The following GRM7 variants were observed in gnomAD, a reference collection of about 807,000 sequenced individuals.
GRM7 encodes the protein glutamate metabotropic receptor 7, also known as metabotropic glutamate receptor 7.
GRM7 carries 35 observed loss-of-function variants against 84.5 expected under a neutral mutation model. The ratio of observed to expected loss-of-function variants is 0.41; its 90% confidence interval spans 0.32 to 0.55. GRM7 has a LOEUF of 0.55. Among genes scored for constraint, GRM7 ranks in the 20% least tolerant of loss-of-function variants. GRM7 has a pLI of 0.19. For synonymous variants in GRM7, 487 were observed against 455.1 expected (o/e 1.07, Z -0.89); for missense variants, 1,003 against 1,194.6 (o/e 0.84, Z 2.36).
chr3:7,227,991 C>G (rs1207543328), intron 2 of GRM7, among the ~76,000 whole-genome samples: 8 of 152,152 alleles, frequency 5.3e-5, no homozygotes, highest in Non-Finnish European at 8.8e-5. Context: ...AGGTACTCTT[C>G]TCTCAGAATA....
At chr3:7,429,095 C>T (rs138343275) in intron 5 of GRM7, among the ~76,000 whole-genome samples, 1 of 152,256 alleles carries the variant, frequency 6.6e-6, no homozygotes, top group Non-Finnish European at 1.5e-5. Flanking sequence ...TCAATTCCTG[C>T]CTCATTAGCT....
intron 4 of GRM7, among the ~76,000 whole-genome samples, chr3:7,321,787 G>A (rs1183849961): frequency 6.6e-6 from 1 of 152,016 alleles, no homozygotes; most frequent in African/African-American, 2.4e-5. Context: ...TTCTACATAA[G>A]CCAAGTGAAG....
At chr3:7,535,445 C>A (rs1701206314) in intron 7 of GRM7, among the ~76,000 whole-genome samples, 1 of 152,086 alleles carries the variant, frequency 6.6e-6, no homozygotes, top group Non-Finnish European at 1.5e-5. Flanking sequence ...CTGAGGTGAC[C>A]ACTACTGGGT....
At chr3:7,641,501 C>T (rs1698361978) in intron 8 of GRM7, among the ~76,000 whole-genome samples, 1 of 152,012 alleles carries the variant, frequency 6.6e-6, no homozygotes. Context: ...TGGTTTTTAA[C>T]CCTGGTGGCA....
At chr3:7,007,390 A>T (rs1695218674) in intron 1 of GRM7, among the ~76,000 whole-genome samples, 1 of 152,180 alleles carries the variant, frequency 6.6e-6, no homozygotes, top group Non-Finnish European at 1.5e-5. Flanking sequence ...TCTTCCCTAT[A>T]ACTCTCCTGT....
intron 4 of GRM7, among the ~76,000 whole-genome samples, chr3:7,315,522 G>T (rs1459650249): frequency 1.3e-5 from 2 of 152,160 alleles, no homozygotes; most frequent in Non-Finnish European, 2.9e-5. Context: ...GAAGTTCTGA[G>T]TTAGGTGAAA....
intron 2 of GRM7, chr3:7,298,476 G>T: frequency 1.9e-6 from 1 of 516,894 alleles, no homozygotes; most frequent in Non-Finnish European, 3.4e-6. Context: ...ACTATAAAGA[G>T]GATGTCGTGT....
chr3:7,525,133 G>T (rs190292261), intron 7 of GRM7, among the ~76,000 whole-genome samples: 1 of 151,022 alleles, frequency 6.6e-6, no homozygotes, highest in African/African-American at 2.4e-5. Context: ...GGGTAGGGGG[G>T]AGGGATAGCA....
At chr3:7,671,207 A>G (rs1404887991) in intron 8 of GRM7, among the ~76,000 whole-genome samples, 1 of 152,194 alleles carries the variant, frequency 6.6e-6, no homozygotes, top group Non-Finnish European at 1.5e-5. Flanking sequence ...GTGCTTGCAC[A>G]TGCCCAGCAA....
chr3:7,050,538 G>C (rs1051357736), intron 1 of GRM7, among the ~76,000 whole-genome samples: 1 of 151,742 alleles, frequency 6.6e-6, no homozygotes, highest in African/African-American at 2.4e-5. Context: ...TGATGTAATT[G>C]GTCAAGTAGA....
intron 8 of GRM7, among the ~76,000 whole-genome samples, chr3:7,614,034 C>T (rs1010396836): frequency 2.0e-5 from 3 of 152,198 alleles, no homozygotes; most frequent in South Asian, 2.1e-4. Flanking sequence ...GAGGCCAAGG[C>T]GAGCTGATCA....
At chr3:7,259,953 G>GTTTTTTTTTTGTTTTTTTT in intron 2 of GRM7, among the ~76,000 whole-genome samples, 2 of 89,668 alleles carry the variant, frequency 2.2e-5, no homozygotes, top group Admixed American at 2.7e-4. Flanking sequence ...ACCAGCATCT[G>GTTTTTTTTTTGTTTTTTTT]TTTTTTTTTT....
intron 1 of GRM7, among the ~76,000 whole-genome samples, chr3:7,087,100 G>C (rs1281695221): frequency 6.6e-6 from 1 of 152,056 alleles, no homozygotes; most frequent in Non-Finnish European, 1.5e-5. Flanking sequence ...CTTTTTTTAG[G>C]GGTAATGTTT....
chr3:7,588,164 G>A (rs1377753462), intron 8 of GRM7, among the ~76,000 whole-genome samples: 2 of 152,164 alleles, frequency 1.3e-5, no homozygotes, highest in Non-Finnish European at 2.9e-5. Context: ...AGCCTTCCTT[G>A]TTTTGGTATA....
At chr3:7,252,362 T>C (rs998970857) in intron 2 of GRM7, among the ~76,000 whole-genome samples, 5 of 152,152 alleles carry the variant, frequency 3.3e-5, no homozygotes, top group African/African-American at 1.2e-4. Context: ...CCAAAACTTC[T>C]CAGAAGACCA....
chr3:7,030,687 G>A (rs1174394332), intron 1 of GRM7, among the ~76,000 whole-genome samples: 6 of 152,088 alleles, frequency 3.9e-5, no homozygotes, highest in Admixed American at 1.3e-4. Flanking sequence ...GAATGCATTC[G>A]TTTGGTGTCC....
At chr3:7,031,375 G>T (rs1204939020) in intron 1 of GRM7, among the ~76,000 whole-genome samples, 1 of 151,202 alleles carries the variant, frequency 6.6e-6, no homozygotes, top group South Asian at 2.1e-4. Context: ...TTAAAACCTG[G>T]ACTCCAAATA....
chr3:6,970,875 G>A lies in GRM7; in HGVS notation c.519+108968G>A, dbSNP rs569268690. On this transcript the variant is annotated intron_variant, in intron 1 of 9. Transcript: ENST00000357716. ...CGGGCGCCTGTAGTCCCAGCTACTC[G>A]GGAGGCTGAGGCAGGAGAATGGCGT... is the stretch of plus-strand genomic sequence containing the variant. Among the ~76,000 whole-genome samples, 171 of 152,146 alleles carry A rather than the reference G, an allele frequency of 1.1e-3. 2 individuals carry two copies. The highest frequency in any genetic ancestry group is 9.8e-3 in the South Asian group (47 of 4,814).
At position 7,578,538 on chromosome 3, in the gene GRM7, CTG is replaced by C; in HGVS notation, c.1635_1636del (p.Cys545Ter). ...TQKGTPCCWT[C>X]EPCDGYQYQF... ...AGAAAGGAACTCCTTGCTGTTGGAC[CTG>C]TGAGCCTTGCGATGGTTACCAGTAC... On this transcript the variant is annotated frameshift_variant, in exon 8 of 10. Transcript: ENST00000357716. LOFTEE classifies it high-confidence loss of function. The C allele has an allele frequency of 6.2e-7, 1 of 1,613,994 alleles. No individual in the cohort carries two copies. Among genetic ancestry groups the C allele is most frequent in the Non-Finnish European group, 8.5e-7 (1 of 1,179,894 alleles).
Sources: gnomAD v4.1 joint callset for allele counts (sites outside exome capture counted in the v4.1 genomes callset) on GRCh38, gnomAD v4.1.1 for gene constraint, MANE v1.5 for transcripts, NCBI Gene and HGNC (gene_info 2026-07-23, HGNC 2026-07-21) for gene names.